HSF2: variants seen among roughly 807,000 people sequenced by gnomAD.
HSF2 encodes the protein heat shock transcription factor 2.
Under a neutral mutation model 65.0 loss-of-function variants are expected in HSF2, and 21 were observed. The observed-to-expected ratio is 0.32, with a 90% CI of 0.23 to 0.47. The LOEUF (loss-of-function observed/expected upper bound fraction) is 0.47, where lower values mean the gene tolerates loss of function less well. Among genes scored for constraint, HSF2 ranks in the 20% least tolerant of loss-of-function variants. The probability of loss-of-function intolerance (pLI) is 1.00; values close to 1 mark genes in which losing one functional copy is unlikely to be tolerated. For missense variants in HSF2, 499 were observed against 628.1 expected, an observed-to-expected ratio of 0.79 and a Z score of 2.20; for synonymous variants, 225 against 219.1, an observed-to-expected ratio of 1.03 and a Z score of -0.24.
Position 122,422,181 on chromosome 6 carries a change from C to A in HSF2, c.713C>A (p.Pro238Gln). The A allele has an allele frequency of 1.2e-6, 2 of 1,606,216 alleles. No individual in the cohort carries two copies. The highest frequency in any genetic ancestry group is 1.3e-5 in the African/African-American group (1 of 74,778). Reference protein sequence around the residue: ...VPHSRTEGLKPRERISDDIII... With the variant: ...VPHSRTEGLKQRERISDDIII... ...CACAGTAGGACTGAAGGTTTAAAGC[C>A]AAGGGAGAGGATTTCAGATGACATC... is the stretch of plus-strand genomic sequence containing the variant. Residue 238 changes from proline (P) to glutamine (Q), a missense_variant, in exon 8 of 13, where the codon CCA becomes CAA. Physicochemically the swap from Pro to Gln is moderately conservative, Grantham distance 76. Around this residue, in one of 2 missense-constraint regions of HSF2, gnomAD observed 349 missense variants for 393.5 expected, o/e 0.89. Transcript: ENST00000368455.
intron 6 of HSF2, among the ~76,000 whole-genome samples, chr6:122,419,871 G>A (rs1176516384): frequency 2.6e-5 from 4 of 152,036 alleles, no homozygotes; most frequent in African/African-American, 9.7e-5. Context: ...GTGTGGTTCG[G>A]TAAGCAATGA....
At chr6:122,417,789 T>C (rs1180987293) in intron 5 of HSF2, among the ~76,000 whole-genome samples, 1 of 152,184 alleles carries the variant, frequency 6.6e-6, no homozygotes, top group Non-Finnish European at 1.5e-5. Context: ...ACCTGAAGTT[T>C]TTAGAATATT....
intron 4 of HSF2, among the ~76,000 whole-genome samples, chr6:122,413,902 G>GTC (rs1430638110): frequency 6.6e-6 from 1 of 152,100 alleles, no homozygotes; most frequent in African/African-American, 2.4e-5. Flanking sequence ...ACAGTTTGAT[G>GTC]TATAAGTCTT....
chr6:122,409,002 A>G (rs1773927320), intron 1 of HSF2, among the ~76,000 whole-genome samples: 1 of 152,086 alleles, frequency 6.6e-6, no homozygotes, highest in African/African-American at 2.4e-5. Flanking sequence ...AAAAATGTTA[A>G]CATTTTAAAT....
intron 1 of HSF2, 89 bp downstream of exon 1, chr6:122,399,919 G>C (rs777775709): frequency 5.1e-5 from 51 of 1,006,680 alleles, no homozygotes; most frequent in Non-Finnish European, 7.6e-5. Context: ...CGGCCTTGCG[G>C]CTCGACGCTG....
chr6:122,424,469 T>C (rs1774299843), intron 10 of HSF2, among the ~76,000 whole-genome samples: 1 of 152,078 alleles, frequency 6.6e-6, no homozygotes, highest in African/African-American at 2.4e-5. Context: ...TACAAGCCTC[T>C]CAGGCTAAAC....
intron 10 of HSF2, among the ~76,000 whole-genome samples, chr6:122,425,279 A>G (rs1170254764): frequency 6.6e-6 from 1 of 151,952 alleles, no homozygotes; most frequent in African/African-American, 2.4e-5. Context: ...TGTGTTGCTT[A>G]TTAACTCAAA....
Position 122,432,067 on chromosome 6 carries a change from T to C in HSF2, c.1458T>C (p.Leu486=), listed in dbSNP as rs565930280. The C allele has an allele frequency of 6.2e-7, 1 of 1,614,104 alleles. No individual in the cohort carries two copies. Among genetic ancestry groups the C allele is most frequent in the South Asian group, 1.1e-5 (1 of 91,086 alleles). Residue 486 remains leucine, a synonymous_variant, in exon 13 of 13, where the codon CTT becomes CTC. Transcript: ENST00000368455. ...ATAAACCCATAGAAGTTGATGAGCT[T>C]CTGGATAGCAGCCTAGACCCAGAAC... The part of the protein sequence containing the change: ...SVDKPIEVDE[L]LDSSLDPEPT...
chr6:122,413,597 A>C lies in HSF2; in HGVS notation c.403A>C (p.Lys135Gln), dbSNP rs1454185025. 4 of 1,603,096 alleles carry C rather than the reference A, an allele frequency of 2.5e-6. No homozygotes were observed. Among genetic ancestry groups the C allele is most frequent in the Non-Finnish European group, 3.4e-6 (4 of 1,170,408 alleles). The part of the protein sequence containing the change: ...DLTKIISSAQ[K>Q]VQIKQETIES... ...AACAAAAATTATAAGTAGTGCTCAG[A>C]AGGTTCAGATAAAACAGGAAACTAT... Residue 135 changes from lysine (K) to glutamine (Q), a missense_variant, in exon 4 of 13, where the codon AAG becomes CAG. This residue lies in a region of HSF2 where 150 missense variants were observed against 234.6 expected (regional missense o/e 0.64). Transcript: ENST00000368455.
chr6:122,422,045 C>A, intron 7 of HSF2, 105 bp from the exon 8 acceptor site: 1 of 761,124 alleles, frequency 1.3e-6, no homozygotes, highest in East Asian at 2.6e-5. Flanking sequence ...TTTGCATACC[C>A]CGAGATTCAG....
intron 1 of HSF2, 104 bp downstream of exon 1, chr6:122,399,934 C>A: frequency 1.1e-6 from 1 of 880,408 alleles, no homozygotes; most frequent in Non-Finnish European, 1.8e-6. Flanking sequence ...ACGCTGTCTG[C>A]GAGGCCCGCG....
chr6:122,405,256 TAAAAAA>T (rs367766925), intron 1 of HSF2, among the ~76,000 whole-genome samples: 1 of 123,712 alleles, frequency 8.1e-6, no homozygotes, highest in Non-Finnish European at 1.7e-5. Flanking sequence ...CCCTGTCTCT[TAAAAAA>T]AAAAAAAAAA....
chr6:122,422,093 T>C (rs926425557), intron 7 of HSF2, 57 bp from the exon 8 acceptor site: 6 of 1,226,736 alleles, frequency 4.9e-6, no homozygotes, highest in South Asian at 2.6e-5. Context: ...AGATGATATC[T>C]TGTTTGGTAG....
chr6:122,418,604 C>T (rs1226569024), intron 5 of HSF2, among the ~76,000 whole-genome samples: 1 of 151,942 alleles, frequency 6.6e-6, no homozygotes, highest in Non-Finnish European at 1.5e-5. Flanking sequence ...AGACAATAAA[C>T]TTTTATCTTT....
intron 11 of HSF2, among the ~76,000 whole-genome samples, chr6:122,430,799 A>G (rs1450730575): frequency 6.6e-6 from 1 of 152,146 alleles, no homozygotes; most frequent in Non-Finnish European, 1.5e-5. Context: ...AATGGTAAAG[A>G]TATAATTTCC....
chr6:122,407,986 A>T (rs866973710), intron 1 of HSF2, among the ~76,000 whole-genome samples: 36 of 139,336 alleles, frequency 2.6e-4, no homozygotes, highest in South Asian at 4.7e-4. Flanking sequence ...AGAGAGAGAG[A>T]GTGTGTTCTG....
At chr6:122,399,925 C>T (rs968159418) in intron 1 of HSF2, 95 bp downstream of exon 1, 16 of 964,506 alleles carry the variant, frequency 1.7e-5, no homozygotes, top group Non-Finnish European at 2.6e-5. Flanking sequence ...TGCGGCTCGA[C>T]GCTGTCTGCG....
chr6:122,413,434 G>A, intron 3 of HSF2, 91 bp from the exon 4 acceptor site: 1 of 888,824 alleles, frequency 1.1e-6, no homozygotes, highest in Admixed American at 2.8e-5. Context: ...TTCCTGAACA[G>A]GCTACGAAAA....
At chr6:122,412,813 C>T (rs750934465) in intron 3 of HSF2, 49 bp downstream of exon 3, 2 of 1,556,438 alleles carry the variant, frequency 1.3e-6, no homozygotes, top group Non-Finnish European at 1.8e-6. Flanking sequence ...CTGGAGTGTG[C>T]TTGGCCAAGA....
Sources: gnomAD v4.1 joint callset for allele counts (sites outside exome capture counted in the v4.1 genomes callset) on GRCh38, gnomAD v4.1.1 for gene constraint, gnomAD v4.1.1 regional missense constraint, MANE v1.5 for transcripts, NCBI Gene and HGNC (gene_info 2026-07-23, HGNC 2026-07-21) for gene names.